The following HECW2 variants were observed in gnomAD, a reference collection of about 807,000 sequenced individuals.
The protein encoded by HECW2 is E3 ubiquitin-protein ligase HECW2.
A neutral mutation model predicts 175.2 loss-of-function variants in HECW2; 61 were observed. The observed-to-expected ratio is 0.35, with a 90% CI of 0.28 to 0.43. The LOEUF (loss-of-function observed/expected upper bound fraction) is 0.43. HECW2 is among the 20% of genes least tolerant of loss of function. The pLI, the probability that HECW2 is intolerant of heterozygous loss-of-function variation, is 1.00. For missense variants in HECW2, 1,524 were observed against 2,000.5 expected (o/e 0.76, Z 4.54); for synonymous variants, 671 against 731.0 (o/e 0.92, Z 1.32).
At chr2:196,426,506 A>G (rs1351427855) in intron 2 of HECW2, among the ~76,000 whole-genome samples, 3 of 147,310 alleles carry the variant, frequency 2.0e-5, no homozygotes, top group African/African-American at 7.5e-5. Context: ...AGTGATGTTG[A>G]TTTTTTTTTT....
At chr2:196,285,192 T>C (rs536330464) in intron 14 of HECW2, among the ~76,000 whole-genome samples, 2 of 152,314 alleles carry the variant, frequency 1.3e-5, no homozygotes, top group South Asian at 2.1e-4. Context: ...AAAACTTCTA[T>C]TATTTTAAGA....
Position 196,402,510 on chromosome 2 carries a change from G to A in HECW2, c.292+30622C>T, listed in dbSNP as rs562744749. Among the ~76,000 whole-genome samples the A allele has an allele frequency of 2.6e-5, 4 of 152,228 alleles. No individual in the cohort carries two copies. In the East Asian group the frequency reaches 7.7e-4, roughly 29 times the overall value. On this transcript the variant is annotated intron_variant, in intron 2 of 28. Transcript: ENST00000644978. ...TGGCTACTTTTCCTTCACTGATTCA[G>A]TCCCCCTGACAGATATTATGTTCCA...
chr2:196,240,487 C>T lies in HECW2; in HGVS notation c.3726G>A (p.Gln1242=). The stretch of plus-strand genomic sequence containing the variant: ...CGAAGGTGACATATAGCTTATTTCT[C>T]TGCAGGTCTTTTCTGGAGTAGCCCA... The part of the protein sequence containing the change: ...QIMGYSRKDL[Q]RNKLYVTFVG... The change falls in exon 21 of 29, where the codon CAG becomes CAA. Residue 1242 remains glutamine, a synonymous_variant. Transcript: ENST00000644978. 6.2e-7 allele frequency: 1 copy of T among 1,612,508 alleles called. No homozygotes were observed. The highest frequency in any genetic ancestry group is 8.5e-7 in the Non-Finnish European group (1 of 1,179,540).
intron 1 of HECW2, among the ~76,000 whole-genome samples, chr2:196,544,261 T>C (rs918835733): frequency 6.6e-6 from 1 of 152,168 alleles, no homozygotes; most frequent in Admixed American, 6.5e-5. Flanking sequence ...GCCCAGCCTC[T>C]AGCAGGACCA....
chr2:196,211,571 T>A lies in HECW2; in HGVS notation c.4607+4294A>T, dbSNP rs76257093. On this transcript the variant is annotated intron_variant, in intron 28 of 28. Coordinates refer to ENST00000644978, the MANE Select transcript of HECW2 (RefSeq NM_001348768.2). ...CTTGCACTGGCTGCAGAGACAACCA[T>A]ATATACTTTTATATACTCCTTGACT... Among the ~76,000 whole-genome samples, 923 of 152,230 alleles carry A rather than the reference T, an allele frequency of 6.1e-3. 14 individuals carry two copies. Among genetic ancestry groups the A allele is most frequent in the African/African-American group, 0.021 (889 of 41,512 alleles).
intron 26 of HECW2, among the ~76,000 whole-genome samples, chr2:196,219,367 T>C (rs574637339): frequency 6.6e-6 from 1 of 152,360 alleles, no homozygotes; most frequent in Non-Finnish European, 1.5e-5. Flanking sequence ...TGCAAAGTGT[T>C]GGTTTAACAC....
At chr2:196,482,984 C>A (rs895192901) in intron 1 of HECW2, among the ~76,000 whole-genome samples, 5 of 151,410 alleles carry the variant, frequency 3.3e-5, no homozygotes, top group African/African-American at 1.2e-4. Context: ...AGCTACAACT[C>A]GTTGGCTTAC....
At chr2:196,211,901 A>G (rs35990286) in intron 28 of HECW2, among the ~76,000 whole-genome samples, 61,775 of 151,868 alleles carry the variant, frequency 0.41, 12,681 homozygotes, top group Middle Eastern at 0.46. Flanking sequence ...GGAGTGCAGC[A>G]TTGCCATCTC....
At chr2:196,513,302 G>A (rs1254719973) in intron 1 of HECW2, among the ~76,000 whole-genome samples, 1 of 152,164 alleles carries the variant, frequency 6.6e-6, no homozygotes, top group Non-Finnish European at 1.5e-5. Flanking sequence ...CTTGATCCCA[G>A]GAGTGAGACC....
chr2:196,220,397 C>T (rs1239357854), intron 25 of HECW2, among the ~76,000 whole-genome samples: 1 of 152,174 alleles, frequency 6.6e-6, no homozygotes, highest in Non-Finnish European at 1.5e-5. Context: ...GTCCCGTCCA[C>T]CTTTAGGAAA....
rs138976796 is a variant in HECW2 at position 196,577,783 on chromosome 2, G to A, written c.-36+15725C>T. Among the ~76,000 whole-genome samples, 678 of 152,248 alleles carry A rather than the reference G, an allele frequency of 4.5e-3. 8 individuals carry two copies. The highest frequency in any genetic ancestry group is 0.031 in the South Asian group (150 of 4,822). On this transcript the variant is annotated intron_variant, in intron 1 of 28. Transcript: ENST00000644978. Reference sequence around the variant, plus strand: ...AGGAAATCTCTTTCAACCATCAGCTGACCACTAATATAACCAGACAGAGAC... The same window carrying A: ...AGGAAATCTCTTTCAACCATCAGCTAACCACTAATATAACCAGACAGAGAC...
At chr2:196,491,359 CATATAT>C (rs200469302) in intron 1 of HECW2, among the ~76,000 whole-genome samples, 285 of 89,496 alleles carry the variant, frequency 3.2e-3, no homozygotes, top group African/African-American at 0.01. Flanking sequence ...AATACAAAAT[CATATAT>C]ATATACACAC....
chr2:196,424,170 T>C (rs920765340), intron 2 of HECW2, among the ~76,000 whole-genome samples: 2 of 152,078 alleles, frequency 1.3e-5, no homozygotes, highest in African/African-American at 4.8e-5. Context: ...GATATTATTG[T>C]AATTGTTTTG....
At chr2:196,283,217 A>G (rs13015965) in intron 14 of HECW2, among the ~76,000 whole-genome samples, 122,297 of 134,066 alleles carry the variant, frequency 0.91, 56,532 homozygotes, top group East Asian at 0.98. Context: ...AGCAGAGATC[A>G]CACCACTGCA....
At position 196,347,620 on chromosome 2, in the gene HECW2, C is replaced by T. The variant is rs115378261; in HGVS notation, c.293-3856G>A. ...ACACAGAACACAAATGTTCCATATA[C>T]GACAAAAAATGGGTCAGAAGCAGAA... On this transcript the variant is annotated intron_variant, in intron 2 of 28. Transcript: ENST00000644978. Among the ~76,000 whole-genome samples, 789 of 152,256 alleles carry T rather than the reference C, an allele frequency of 5.2e-3. 7 individuals carry two copies. The highest frequency in any genetic ancestry group is 0.018 in the African/African-American group (751 of 41,538).
intron 3 of HECW2, among the ~76,000 whole-genome samples, chr2:196,338,707 C>G (rs1692641411): frequency 6.6e-6 from 1 of 152,162 alleles, no homozygotes; most frequent in African/African-American, 2.4e-5. Flanking sequence ...ATATTTGAAG[C>G]ATAAAGATGG....
chr2:196,357,312 C>T (rs1420880501), intron 2 of HECW2, among the ~76,000 whole-genome samples: 2 of 139,422 alleles, frequency 1.4e-5, no homozygotes, highest in East Asian at 3.9e-4. Flanking sequence ...AGTTTGACAA[C>T]CCTGGTGGGG....
intron 2 of HECW2, among the ~76,000 whole-genome samples, chr2:196,383,606 A>G (rs557600383): frequency 3.0e-4 from 45 of 152,232 alleles, no homozygotes; most frequent in Non-Finnish European, 1.3e-4. Flanking sequence ...CATCAACAGC[A>G]TCAAATACTG....
intron 19 of HECW2, among the ~76,000 whole-genome samples, chr2:196,247,190 G>A (rs1016689071): frequency 2.6e-5 from 4 of 152,180 alleles, no homozygotes; most frequent in African/African-American, 7.2e-5. Context: ...GGCGGAGGTT[G>A]CAGCGAGCCG....
Sources: gnomAD v4.1 joint callset for allele counts (sites outside exome capture counted in the v4.1 genomes callset) on GRCh38, gnomAD v4.1.1 for gene constraint, MANE v1.5 for transcripts, NCBI Gene and HGNC (gene_info 2026-07-23, HGNC 2026-07-21) for gene names.